Variants in CNIH3 observed in about 807,000 individuals in gnomAD.
The protein encoded by CNIH3 is protein cornichon homolog 3.
A neutral mutation model predicts 24.1 loss-of-function variants in CNIH3; 14 were observed. That is an observed-to-expected ratio of 0.58 (90% CI 0.38 to 0.91). CNIH3 has a LOEUF of 0.91. Among genes scored for constraint, CNIH3 ranks in the 40% least tolerant of loss-of-function variants. CNIH3 has a pLI of 0.00. For synonymous variants in CNIH3, 68 were observed against 73.8 expected, an observed-to-expected ratio of 0.92 and a Z score of 0.40; for missense variants, 178 against 196.8, an observed-to-expected ratio of 0.90 and a Z score of 0.57.
In CNIH3 at chr1:224,468,228, G is replaced by A. The variant is rs376563702; in HGVS notation, n.203+33366G>A. Reference sequence around the variant, plus strand: ...AATAAGTTATTTATATCTATAAGAAGCCTTGCTGGAATTTGGATAGGAATT... The same window carrying A: ...AATAAGTTATTTATATCTATAAGAAACCTTGCTGGAATTTGGATAGGAATT... On this transcript the variant is annotated intron_variant and non_coding_transcript_variant, in intron 1 of 5. Transcript: ENST00000471578. Among the ~76,000 whole-genome samples, 21 of 152,252 alleles carry A rather than the reference G, an allele frequency of 1.4e-4. 1 individual carries two copies. In the East Asian group the frequency reaches 2.1e-3, roughly 15 times the overall value.
intron 3 of CNIH3, among the ~76,000 whole-genome samples, chr1:224,687,780 T>C (rs949882877): frequency 6.6e-6 from 1 of 152,110 alleles, no homozygotes; most frequent in East Asian, 1.9e-4. Context: ...GCTTAATAAT[T>C]GTATGGCAGC....
At chr1:224,523,435 GC>G (rs1452413946) in intron 2 of CNIH3, among the ~76,000 whole-genome samples, 1 of 152,164 alleles carries the variant, frequency 6.6e-6, no homozygotes. Context: ...AGTGAAAGAA[GC>G]TTGATATGAT....
intron 1 of CNIH3, among the ~76,000 whole-genome samples, chr1:224,629,110 A>G (rs1683691345): frequency 6.6e-6 from 1 of 151,552 alleles, no homozygotes; most frequent in African/African-American, 2.4e-5. Flanking sequence ...GGGTTCAAGC[A>G]ATTCTCCTGC....
chr1:224,650,428 C>G (rs936581502), intron 1 of CNIH3, among the ~76,000 whole-genome samples: 2 of 152,196 alleles, frequency 1.3e-5, no homozygotes, highest in African/African-American at 4.8e-5. Flanking sequence ...AGTAAGGCTT[C>G]TGGAGGCCAA....
chr1:224,554,150 C>T (rs1220813039), intron 3 of CNIH3, among the ~76,000 whole-genome samples: 1 of 152,206 alleles, frequency 6.6e-6, no homozygotes, highest in Non-Finnish European at 1.5e-5. Context: ...CTGCTCAGCT[C>T]CTGTCTGGCG....
intron 1 of CNIH3, among the ~76,000 whole-genome samples, chr1:224,633,351 G>A (rs1258838151): frequency 1.3e-5 from 2 of 152,046 alleles, no homozygotes; most frequent in Admixed American, 1.3e-4. Flanking sequence ...TAGAGATGGG[G>A]TTTTGCCACG....
At chr1:224,652,920 G>A (rs1328990653) in intron 1 of CNIH3, among the ~76,000 whole-genome samples, 2 of 152,186 alleles carry the variant, frequency 1.3e-5, no homozygotes, top group African/African-American at 4.8e-5. Context: ...TGTTCAGAGG[G>A]TGAAGGTATT....
chr1:224,525,640 C>A (rs942625306), intron 2 of CNIH3, among the ~76,000 whole-genome samples: 1 of 152,158 alleles, frequency 6.6e-6, no homozygotes, highest in African/African-American at 2.4e-5. Context: ...TGGGCCATCA[C>A]CCTTGGGCCT....
Position 224,730,526 on chromosome 1 carries a change from G to C in CNIH3, c.263G>C (p.Trp88Ser). The change falls in exon 4 of 6, where the codon TGG becomes TCG. Residue 88 changes from tryptophan (W) to serine (S), a missense_variant. Physicochemically the swap from Trp to Ser is radical, Grantham distance 177 (BLOSUM62 -3). Transcript: ENST00000272133. ...ATTATGTTCCTGTGTGCGCAAGAGT[G>C]GCTCACGCTGGGGCTGAATGTCCCT... ...FCIMFLCAQE[W>S]LTLGLNVPLL... is the part of the protein sequence containing the mutation. The C allele has an allele frequency of 1.3e-6, 2 of 1,561,022 alleles. No individual in the cohort carries two copies. The highest frequency in any genetic ancestry group is 1.7e-6 in the Non-Finnish European group (2 of 1,151,164).
chr1:224,471,533 C>T (rs944877702), intron 1 of CNIH3, among the ~76,000 whole-genome samples: 6 of 151,726 alleles, frequency 4.0e-5, no homozygotes, highest in African/African-American at 1.2e-4. Context: ...AGCTTATTTC[C>T]TTAACATAAC....
intron 1 of CNIH3, among the ~76,000 whole-genome samples, chr1:224,496,827 C>T (rs1320082289): frequency 1.3e-5 from 2 of 152,184 alleles, no homozygotes; most frequent in African/African-American, 4.8e-5. Flanking sequence ...AGCTGATACT[C>T]ATTTCTTTTA....
At chr1:224,438,598 G>C (rs546524565) in intron 1 of CNIH3, among the ~76,000 whole-genome samples, 3 of 152,212 alleles carry the variant, frequency 2.0e-5, no homozygotes, top group African/African-American at 7.2e-5. Flanking sequence ...AGGTGTCTTT[G>C]GGAAGGAATA....
Position 224,604,625 on chromosome 1 carries a change from G to A in CNIH3, n.402+38361G>A, listed in dbSNP as rs1278915195. 1.3e-5 allele frequency among the ~76,000 whole-genome samples: 2 copies of A among 152,218 alleles called. No homozygotes were observed. Among genetic ancestry groups the A allele is most frequent in the Non-Finnish European group, 2.9e-5 (2 of 68,040 alleles). ...GGGGCTCCCAGACTGTTTAGCTAGA[G>A]GAGAGCAGAAGGCCAGAGGTGAAAG... On this transcript the variant is annotated intron_variant and non_coding_transcript_variant, in intron 3 of 7. Transcript: ENST00000478120. The surrounding 1 kb of genome is among the most constrained non-coding windows in gnomAD (Gnocchi z 4.4).
intron 1 of CNIH3, among the ~76,000 whole-genome samples, chr1:224,505,837 G>A (rs904562883): frequency 1.3e-5 from 2 of 152,212 alleles, no homozygotes; most frequent in Admixed American, 6.5e-5. Context: ...TTGGTAAACT[G>A]CCAATTGATT....
At chr1:224,611,881 G>A (rs1047724909), upstream of CNIH3, among the ~76,000 whole-genome samples, 9 of 152,168 alleles carry the variant, frequency 5.9e-5, no homozygotes, top group African/African-American at 1.7e-4. Flanking sequence ...CCCTGACAGC[G>A]CCCAGAACTA....
chr1:224,519,320 G>T (rs1160010775), intron 1 of CNIH3, among the ~76,000 whole-genome samples: 1 of 152,094 alleles, frequency 6.6e-6, no homozygotes, highest in Non-Finnish European at 1.5e-5. Context: ...TGCTTGAGCT[G>T]GGGCATCAAT....
At chr1:224,439,251 C>T (rs1232905562) in intron 1 of CNIH3, among the ~76,000 whole-genome samples, 1 of 152,220 alleles carries the variant, frequency 6.6e-6, no homozygotes, top group Non-Finnish European at 1.5e-5. Context: ...GTAGGGGCGG[C>T]ACACCAGGTG....
At chr1:224,593,695 T>TTAACAA (rs1231160644) in intron 3 of CNIH3, among the ~76,000 whole-genome samples, 1 of 152,116 alleles carries the variant, frequency 6.6e-6, no homozygotes, top group African/African-American at 2.4e-5. Context: ...TTTAAAAAAT[T>TTAACAA]TAAAAATAAA....
At chr1:224,483,390 ATT>A (rs34771495) in intron 1 of CNIH3, among the ~76,000 whole-genome samples, 9 of 139,056 alleles carry the variant, frequency 6.5e-5, no homozygotes, top group Admixed American at 2.2e-4. Context: ...TGCTCACCTG[ATT>A]TTTTTTTTTT....
Sources: gnomAD v4.1 joint callset for allele counts (sites outside exome capture counted in the v4.1 genomes callset) on GRCh38, gnomAD v4.1.1 for gene constraint, Gnocchi (gnomAD v3.1) non-coding constraint, MANE v1.5 for transcripts, NCBI Gene and HGNC (gene_info 2026-07-23, HGNC 2026-07-21) for gene names.